Variants in TEX11 observed in about 807,000 individuals in gnomAD.
The protein encoded by TEX11 is testis expressed 11.
In TEX11, 7 loss-of-function variants were observed where a neutral mutation model predicts 84.4. The ratio of observed to expected loss-of-function variants is 0.08; its 90% CI spans 0.05 to 0.16. TEX11 has a LOEUF of 0.16. Among genes scored for constraint, TEX11 ranks in the 10% least tolerant of loss-of-function variants. The pLI is 1.00. For synonymous variants in TEX11, 264 were observed against 222.8 expected (o/e 1.18, Z -1.64); for missense variants, 551 against 660.5 (o/e 0.83, Z 1.82).
chrX:70,670,347 C>T (rs1188175520), intron 16 of TEX11, 30 bp downstream of exon 16: 6 of 1,195,298 alleles, frequency 5.0e-6, no homozygotes, highest in Non-Finnish European at 6.7e-6. Flanking sequence ...AGAACATTTG[C>T]TACCTCTGAA....
At chrX:70,560,408 C>T (rs1380268402) in intron 25 of TEX11, among the ~76,000 whole-genome samples, 1 of 111,126 alleles carries the variant, frequency 9.0e-6, no homozygotes, top group Non-Finnish European at 1.9e-5. Context: ...CCTCAGCCTC[C>T]CAAAGTGCTG....
chrX:70,733,498 G>A (rs766777878), intron 11 of TEX11, among the ~76,000 whole-genome samples: 3 of 111,462 alleles, frequency 2.7e-5, no homozygotes, highest in South Asian at 7.6e-4. Context: ...TGAAGGATAT[G>A]AACAGACACT....
chrX:70,616,977 G>A (rs1026727561), intron 20 of TEX11, among the ~76,000 whole-genome samples: 1 of 111,128 alleles, frequency 9.0e-6, no homozygotes, highest in Admixed American at 9.6e-5. Flanking sequence ...GCACAACTAG[G>A]TGACTATAGT....
rs1017220767 is a variant in TEX11, at chrX:70,796,366, C to A, written c.692+10339G>T. Among the ~76,000 whole-genome samples, 5 of 110,975 alleles carry A rather than the reference C, an allele frequency of 4.5e-5. No homozygotes were observed. The Admixed American group carries it at 4.8e-4, about 11-fold the overall frequency. ...ATCTAGAATATAGCCTCATAAAGGGCAAATATAAGAATCACTGACCTTAAA... is the reference window on the plus strand; with the variant it reads ...ATCTAGAATATAGCCTCATAAAGGGAAAATATAAGAATCACTGACCTTAAA... On this transcript the variant is annotated intron_variant, in intron 9 of 29. Transcript: ENST00000374333.
At chrX:70,830,432 C>A (rs745661035) in intron 8 of TEX11, among the ~76,000 whole-genome samples, 1 of 111,171 alleles carries the variant, frequency 9.0e-6, no homozygotes, top group Non-Finnish European at 1.9e-5. Context: ...ATATGACCCC[C>A]ACAGGTGACA....
At chrX:70,785,447 CA>C (rs2091071759) in intron 9 of TEX11, among the ~76,000 whole-genome samples, 1 of 111,944 alleles carries the variant, frequency 8.9e-6, no homozygotes, top group Non-Finnish European at 1.9e-5. Context: ...GCTATGGCAA[CA>C]AAAGCCAAAA....
chrX:70,800,198 T>C (rs1469586019), intron 9 of TEX11, among the ~76,000 whole-genome samples: 1 of 111,013 alleles, frequency 9.0e-6, no homozygotes, highest in Non-Finnish European at 1.9e-5. Context: ...TGATGCGAAC[T>C]CATGAACACA....
Position 70,740,700 on chromosome X carries a change from C to A in TEX11, c.843+1G>T. 8.5e-7 allele frequency: 1 copy of A among 1,171,535 alleles called. No homozygotes were observed. The stretch of plus-strand genomic sequence containing the variant: ...AGTATTCAAAAATACAAGCCCCATA[C>A]CTTGTTTGCTAGGTTTACAGCATTG... On this transcript the variant is annotated splice_donor_variant, in intron 11 of 29. Transcript: ENST00000374333. LOFTEE classifies it high-confidence loss of function.
chrX:70,577,977 C>T (rs1197687402), intron 25 of TEX11, among the ~76,000 whole-genome samples: 1 of 111,291 alleles, frequency 9.0e-6, no homozygotes, highest in Non-Finnish European at 1.9e-5. Context: ...ATCTGCCTGC[C>T]TTGGCCTCCC....
chrX:70,791,923 G>A (rs5936985), intron 9 of TEX11, among the ~76,000 whole-genome samples: 43,300 of 108,533 alleles, frequency 0.4, 7,373 homozygotes, highest in East Asian at 0.54. Flanking sequence ...GTCAGGAGTT[G>A]AAGACCAGCC....
intron 16 of TEX11, among the ~76,000 whole-genome samples, chrX:70,662,259 G>T (rs771260173): frequency 2.0e-4 from 22 of 111,661 alleles, no homozygotes; most frequent in African/African-American, 6.8e-4. Flanking sequence ...GGAAGAAAGG[G>T]TATCAGCGAT....
At chrX:70,564,854 A>G (rs944611868) in intron 25 of TEX11, among the ~76,000 whole-genome samples, 10 of 110,644 alleles carry the variant, frequency 9.0e-5, no homozygotes, top group South Asian at 3.9e-4. Flanking sequence ...GAATAGTGCC[A>G]CAATAAACAT....
At chrX:70,725,583 C>T (rs937499465) in intron 11 of TEX11, among the ~76,000 whole-genome samples, 3 of 111,745 alleles carry the variant, frequency 2.7e-5, no homozygotes, top group Non-Finnish European at 5.7e-5. Context: ...GAGTGACAAA[C>T]ATTTAATGAC....
At chrX:70,858,897 G>A (rs1475067749) in intron 5 of TEX11, among the ~76,000 whole-genome samples, 1 of 110,464 alleles carries the variant, frequency 9.1e-6, no homozygotes, top group African/African-American at 3.3e-5. Context: ...AATTAGCTGG[G>A]TGTGGTGGTG....
chrX:70,513,427 T>A, the TEX11 span, among the ~76,000 whole-genome samples: 1 of 105,616 alleles, frequency 9.5e-6, no homozygotes. Context: ...ATGAAATATA[T>A]ATATAATAAT....
At chrX:70,750,584 T>C (rs1187267391) in intron 9 of TEX11, among the ~76,000 whole-genome samples, 1 of 106,849 alleles carries the variant, frequency 9.4e-6, no homozygotes, top group African/African-American at 3.4e-5. Flanking sequence ...TGGAATACTA[T>C]GCAGCCATAA....
chrX:70,839,178 C>A (rs746021497), intron 7 of TEX11, among the ~76,000 whole-genome samples: 21 of 112,099 alleles, frequency 1.9e-4, no homozygotes, highest in African/African-American at 6.8e-4. Context: ...GATCTGGGAA[C>A]GGGCAGACTG....
At chrX:70,809,994 A>G (rs1202769208) in intron 8 of TEX11, among the ~76,000 whole-genome samples, 3 of 112,430 alleles carry the variant, frequency 2.7e-5, no homozygotes, top group Non-Finnish European at 5.6e-5. Flanking sequence ...ATATGAACAG[A>G]CACTTCTCAA....
At chrX:70,642,499 A>G (rs1320496110) in intron 17 of TEX11, among the ~76,000 whole-genome samples, 1 of 106,782 alleles carries the variant, frequency 9.4e-6, no homozygotes, top group Non-Finnish European at 1.9e-5. Context: ...TCCTTGATGA[A>G]CATTGATGCA....
Sources: allele counts gnomAD v4.1 joint callset (sites outside exome capture counted in the v4.1 genomes callset), GRCh38; gene constraint gnomAD v4.1.1; transcripts MANE v1.5; gene names NCBI Gene and HGNC (gene_info 2026-07-23, HGNC 2026-07-21).